The following IGF2BP3 variants were observed in gnomAD, a reference collection of about 807,000 sequenced individuals.
IGF2BP3 encodes the protein insulin-like growth factor 2 mRNA-binding protein 3.
Under a neutral mutation model 73.8 loss-of-function variants are expected in IGF2BP3, and 9 were observed. The ratio of observed to expected loss-of-function variants is 0.12; its 90% CI spans 0.07 to 0.21. IGF2BP3 has a LOEUF of 0.21. Ranked by LOEUF, IGF2BP3 falls within the 10% of genes least tolerant of loss-of-function variation. IGF2BP3 has a pLI of 1.00. For synonymous variants in IGF2BP3, 258 were observed against 256.7 expected (o/e 1.01, Z -0.05); for missense variants, 542 against 714.0 (o/e 0.76, Z 2.75).
At chr7:23,318,593 C>T (rs565689418) in intron 11 of IGF2BP3, among the ~76,000 whole-genome samples, 2 of 152,276 alleles carry the variant, frequency 1.3e-5, no homozygotes, top group African/African-American at 4.8e-5. Flanking sequence ...TCTATTACGG[C>T]AGACACCATT....
intron 3 of IGF2BP3, among the ~76,000 whole-genome samples, chr7:23,380,525 T>C (rs1373380949): frequency 1.3e-5 from 2 of 152,174 alleles, no homozygotes; most frequent in African/African-American, 2.4e-5. Context: ...GGTTCAAGAC[T>C]GTCATACATT....
At position 23,310,889 on chromosome 7, in the gene IGF2BP3, G is replaced by A. The variant is rs1783808115; in HGVS notation, c.*1473C>T. On this transcript the variant is annotated 3_prime_UTR_variant, in exon 15 of 15. Coordinates refer to ENST00000258729, the MANE Select transcript of IGF2BP3 (RefSeq NM_006547.3). ...TCAAAAAATCAATTCAGAGAGCAGCGTGGCCTTGGAGACCACCCACACCCA... is the reference window on the plus strand; with the variant it reads ...TCAAAAAATCAATTCAGAGAGCAGCATGGCCTTGGAGACCACCCACACCCA... 1.3e-5 allele frequency: 2 copies of A among 151,996 alleles called. No homozygotes were observed. The highest frequency in any genetic ancestry group is 2.1e-4 in the South Asian group (1 of 4,822). 9.4% of individuals were successfully genotyped at this position (151,996 alleles called of 1,614,324 possible).
intron 3 of IGF2BP3, among the ~76,000 whole-genome samples, chr7:23,372,046 T>C (rs1249339164): frequency 3.9e-5 from 6 of 152,088 alleles, no homozygotes; most frequent in Non-Finnish European, 8.8e-5. Context: ...TTTTGGAGAA[T>C]AGGTGGTATT....
At chr7:23,321,403 A>G (rs1380079022) in intron 10 of IGF2BP3, among the ~76,000 whole-genome samples, 6 of 152,178 alleles carry the variant, frequency 3.9e-5, no homozygotes, top group African/African-American at 1.2e-4. Context: ...TATATCCCGC[A>G]CCTGGCTCGG....
rs1195055016 is a variant in IGF2BP3, at chr7:23,310,945, A to G, written c.*1417T>C. 6.6e-6 allele frequency: 1 copy of G among 152,190 alleles called. No homozygotes were observed. The highest frequency in any genetic ancestry group is 2.4e-5 in the African/African-American group (1 of 41,446). 9.4% of individuals were successfully genotyped at this position (152,190 alleles called of 1,614,324 possible). Reference sequence around the variant, plus strand: ...ATTGTACGTACTGGGCTTTGCTGTCAAGGAGTGAGCAAATGAGTTCGTTAT... The same window carrying G: ...ATTGTACGTACTGGGCTTTGCTGTCGAGGAGTGAGCAAATGAGTTCGTTAT... On this transcript the variant is annotated 3_prime_UTR_variant, in exon 15 of 15. Coordinates refer to ENST00000258729, the MANE Select transcript of IGF2BP3 (RefSeq NM_006547.3).
intron 2 of IGF2BP3, among the ~76,000 whole-genome samples, chr7:23,460,243 C>T (rs940494855): frequency 7.3e-6 from 1 of 137,806 alleles, no homozygotes; most frequent in Non-Finnish European, 1.5e-5. Flanking sequence ...TAAAAAAGTG[C>T]AAGAGTAGAT....
At chr7:23,380,975 T>C (rs769616355) in intron 3 of IGF2BP3, among the ~76,000 whole-genome samples, 1 of 152,196 alleles carries the variant, frequency 6.6e-6, no homozygotes, top group Non-Finnish European at 1.5e-5. Context: ...CCATCTTCCA[T>C]AGTAAGCACC....
chr7:23,456,094 T>C (rs1788310377), intron 2 of IGF2BP3, among the ~76,000 whole-genome samples: 1 of 152,112 alleles, frequency 6.6e-6, no homozygotes, highest in Non-Finnish European at 1.5e-5. Context: ...TATTAAGTCA[T>C]TTCAGAAACT....
chr7:23,435,559 G>T (rs1462393387), intron 2 of IGF2BP3, among the ~76,000 whole-genome samples: 1 of 151,074 alleles, frequency 6.6e-6, no homozygotes, highest in East Asian at 2.0e-4. Flanking sequence ...GGGTTCAAGC[G>T]ATTCTCCTGC....
At chr7:23,437,330 A>T (rs1196876598) in intron 2 of IGF2BP3, among the ~76,000 whole-genome samples, 1 of 151,782 alleles carries the variant, frequency 6.6e-6, no homozygotes. Flanking sequence ...TAAAAACACC[A>T]AAAGTAGCCA....
intron 3 of IGF2BP3, among the ~76,000 whole-genome samples, chr7:23,382,803 C>G (rs932752223): frequency 6.9e-6 from 1 of 145,572 alleles, no homozygotes; most frequent in Non-Finnish European, 1.5e-5. Flanking sequence ...GAGAGGCCAA[C>G]GCAGGGGTGG....
chr7:23,310,516 A>G lies in IGF2BP3; in HGVS notation c.*1846T>C, dbSNP rs1433378137. ...GGGGAAAAAAATCAAATACTGAGAA[A>G]AGCTCTGGCCTTAAACACATCTTAC... On this transcript the variant is annotated 3_prime_UTR_variant, in exon 15 of 15. Transcript: ENST00000258729. 3 of 152,208 alleles carry G rather than the reference A, an allele frequency of 2.0e-5. No homozygotes were observed. Among genetic ancestry groups the G allele is most frequent in the Non-Finnish European group, 2.9e-5 (2 of 68,036 alleles). The allele number at this position is 152,208 out of a possible 1,614,324, so 9.4% of individuals were successfully genotyped here.
At chr7:23,424,715 C>CA (rs1787453003) in intron 2 of IGF2BP3, among the ~76,000 whole-genome samples, 1 of 152,058 alleles carries the variant, frequency 6.6e-6, no homozygotes, top group Admixed American at 6.6e-5. Context: ...TGAGACCCCC[C>CA]ACACCGGCCC....
intron 10 of IGF2BP3, among the ~76,000 whole-genome samples, chr7:23,329,245 A>G (rs898418448): frequency 2.0e-5 from 3 of 152,130 alleles, no homozygotes; most frequent in Non-Finnish European, 4.4e-5. Flanking sequence ...AGGAATGGAT[A>G]CAATAAATAA....
chr7:23,364,217 T>C (rs938858408), intron 3 of IGF2BP3, among the ~76,000 whole-genome samples: 1 of 151,370 alleles, frequency 6.6e-6, no homozygotes. Flanking sequence ...CTACTAAAAA[T>C]AGAAAAATTA....
chr7:23,375,840 T>C (rs1339692207), intron 3 of IGF2BP3, among the ~76,000 whole-genome samples: 1 of 152,184 alleles, frequency 6.6e-6, no homozygotes, highest in Non-Finnish European at 1.5e-5. Context: ...TCAATAATGA[T>C]AGGAATGTTT....
chr7:23,370,407 C>T (rs1445786296), intron 3 of IGF2BP3, among the ~76,000 whole-genome samples: 2 of 152,046 alleles, frequency 1.3e-5, no homozygotes, highest in Admixed American at 6.6e-5. Context: ...TTACATTTGC[C>T]TTATGTGTTT....
intron 3 of IGF2BP3, among the ~76,000 whole-genome samples, chr7:23,384,165 C>G (rs2128518432): frequency 6.7e-6 from 1 of 149,674 alleles, no homozygotes; most frequent in Non-Finnish European, 1.5e-5. Flanking sequence ...CTTGTAAACA[C>G]TTTCCTAAGT....
At chr7:23,319,378 T>C in intron 10 of IGF2BP3, 124 bp from the exon 11 acceptor site, 1 of 660,656 alleles carries the variant, frequency 1.5e-6, no homozygotes, top group Non-Finnish European at 2.7e-6. Flanking sequence ...AAGGAAAAGC[T>C]ACCATAAGAA....
Sources: allele counts gnomAD v4.1 joint callset (sites outside exome capture counted in the v4.1 genomes callset), GRCh38; gene constraint gnomAD v4.1.1; transcripts MANE v1.5; gene names NCBI Gene and HGNC (gene_info 2026-07-23, HGNC 2026-07-21).